REC114: variants seen among roughly 807,000 people sequenced by gnomAD.
The protein encoded by REC114 is REC114 meiotic recombination protein.
In REC114, 27 loss-of-function variants were observed where a neutral mutation model predicts 31.3. That is an observed-to-expected ratio of 0.86 (90% CI 0.64 to 1.19). REC114 has a LOEUF of 1.19. Among genes scored for constraint, REC114 ranks in the 50% most tolerant of loss-of-function variants. The pLI is 0.00. For synonymous variants in REC114, 134 were observed against 127.7 expected, an observed-to-expected ratio of 1.05 and a Z score of -0.33; for missense variants, 344 against 326.9, an observed-to-expected ratio of 1.05 and a Z score of -0.40.
chr15:73,552,929 C>T (rs1440994659), intron 4 of REC114, among the ~76,000 whole-genome samples: 2 of 152,184 alleles, frequency 1.3e-5, no homozygotes, highest in Non-Finnish European at 2.9e-5. Flanking sequence ...ATTCTCCTGC[C>T]TCAGCCTCCC....
At chr15:73,458,643 A>C (rs1023240234) in intron 1 of REC114, among the ~76,000 whole-genome samples, 1 of 152,238 alleles carries the variant, frequency 6.6e-6, no homozygotes, top group African/African-American at 2.4e-5. Context: ...TCTGCTGTGC[A>C]TGGCCATGGT....
intron 2 of REC114, among the ~76,000 whole-genome samples, chr15:73,500,952 G>A (rs1345711629): frequency 6.6e-6 from 1 of 152,030 alleles, no homozygotes; most frequent in Non-Finnish European, 1.5e-5. Context: ...TGTCCCCATG[G>A]TCTTATGTAT....
chr15:73,523,673 C>T (rs889371329), intron 2 of REC114, among the ~76,000 whole-genome samples: 4 of 152,088 alleles, frequency 2.6e-5, no homozygotes, highest in Non-Finnish European at 5.9e-5. Context: ...CTTAACGTTG[C>T]CTTTGGAAGA....
chr15:73,544,714 T>C (rs1219030343), intron 3 of REC114, among the ~76,000 whole-genome samples: 1 of 152,260 alleles, frequency 6.6e-6, no homozygotes, highest in Admixed American at 6.5e-5. Flanking sequence ...TATTGCCTTT[T>C]AGTTTCAAAG....
At chr15:73,467,763 T>C (rs1396303259) in intron 1 of REC114, among the ~76,000 whole-genome samples, 2 of 152,230 alleles carry the variant, frequency 1.3e-5, no homozygotes, top group South Asian at 2.1e-4. Flanking sequence ...TGTAACAAGC[T>C]ATAAACTTAG....
intron 2 of REC114, among the ~76,000 whole-genome samples, chr15:73,487,870 AT>A (rs111728070): frequency 0.05 from 7,537 of 151,160 alleles, 325 homozygotes; most frequent in African/African-American, 0.12. Context: ...ACCATGTGGT[AT>A]TTTTTTTTGC....
intron 2 of REC114, among the ~76,000 whole-genome samples, chr15:73,476,498 T>C (rs1366916902): frequency 6.6e-6 from 1 of 152,234 alleles, no homozygotes; most frequent in Non-Finnish European, 1.5e-5. Context: ...AATTGACAGA[T>C]AAAATTGTAT....
At chr15:73,475,954 A>T (rs140091336) in intron 2 of REC114, among the ~76,000 whole-genome samples, 107 of 152,296 alleles carry the variant, frequency 7.0e-4, no homozygotes, top group African/African-American at 2.4e-3. Context: ...AGATATACAC[A>T]TATTTAGCAT....
intron 2 of REC114, among the ~76,000 whole-genome samples, chr15:73,516,705 G>A (rs754519172): frequency 1.3e-5 from 2 of 152,106 alleles, no homozygotes; most frequent in African/African-American, 2.4e-5. Context: ...TCGGCTCCCT[G>A]CAACCTCTGC....
chr15:73,554,819 A>G (rs1894440401), intron 4 of REC114, among the ~76,000 whole-genome samples: 1 of 152,192 alleles, frequency 6.6e-6, no homozygotes, highest in Admixed American at 6.5e-5. Flanking sequence ...TTTAGTGTTT[A>G]TGGCAGACAA....
intron 2 of REC114, among the ~76,000 whole-genome samples, chr15:73,526,257 T>C (rs552331893): frequency 6.6e-6 from 1 of 152,346 alleles, no homozygotes; most frequent in South Asian, 2.1e-4. Flanking sequence ...TGATCTTGCT[T>C]TTAAAATCTA....
intron 1 of REC114, among the ~76,000 whole-genome samples, chr15:73,464,560 T>C (rs1013524770): frequency 5.9e-5 from 9 of 152,028 alleles, no homozygotes; most frequent in Non-Finnish European, 1.2e-4. Context: ...GTGCTGAGTG[T>C]TGGGAGATGC....
At chr15:73,458,666 G>A (rs1892949738) in intron 1 of REC114, among the ~76,000 whole-genome samples, 1 of 152,212 alleles carries the variant, frequency 6.6e-6, no homozygotes, top group Non-Finnish European at 1.5e-5. Context: ...CACAGTCTGA[G>A]ATAGAATCAG....
chr15:73,509,441 T>G (rs1595873568), intron 2 of REC114, among the ~76,000 whole-genome samples: 1 of 151,200 alleles, frequency 6.6e-6, no homozygotes, highest in Non-Finnish European at 1.5e-5. Context: ...AGCTCTTTAT[T>G]TTAATTAGAT....
At chr15:73,551,240 G>C in intron 4 of REC114, 90 bp downstream of exon 4, 1 of 1,279,990 alleles carries the variant, frequency 7.8e-7, no homozygotes, top group South Asian at 1.3e-5. Context: ...TGTCAAGTCT[G>C]TTAGGTTTGT....
chr15:73,535,524 G>T (rs1208721998), intron 2 of REC114, among the ~76,000 whole-genome samples: 26 of 150,652 alleles, frequency 1.7e-4, no homozygotes, highest in Non-Finnish European at 3.2e-4. Context: ...GGAAATAAAA[G>T]AGGATACAAA....
intron 5 of REC114, among the ~76,000 whole-genome samples, chr15:73,559,228 C>T (rs746148921): frequency 3.3e-5 from 5 of 152,170 alleles, no homozygotes; most frequent in Non-Finnish European, 5.9e-5. Flanking sequence ...GTGACAGTTA[C>T]ACGACTATTT....
In REC114 at chr15:73,556,283, G is replaced by A; in HGVS notation, c.547-19G>A. The A allele has an allele frequency of 6.2e-7, 1 of 1,605,624 alleles. No individual in the cohort carries two copies. The highest frequency in any genetic ancestry group is 1.1e-5 in the South Asian group (1 of 90,020). On this transcript the variant is annotated intron_variant, in intron 4 of 5. Transcript: ENST00000331090. ...ATTACATTCAGCTAGTCTCCTTATT[G>A]CATGTTGTTTTATTCCAGTCCCACC...
chr15:73,516,839 C>T (rs1893864877), intron 2 of REC114, among the ~76,000 whole-genome samples: 1 of 152,174 alleles, frequency 6.6e-6, no homozygotes, highest in African/African-American at 2.4e-5. Context: ...GTTGGCCAGG[C>T]TGGTCTTGAA....
Sources: gnomAD v4.1 joint callset for allele counts (sites outside exome capture counted in the v4.1 genomes callset) on GRCh38, gnomAD v4.1.1 for gene constraint, MANE v1.5 for transcripts, NCBI Gene and HGNC (gene_info 2026-07-23, HGNC 2026-07-21) for gene names.